The following ADORA2B variants were observed in gnomAD, a reference collection of about 807,000 sequenced individuals.
ADORA2B encodes the protein adenosine A2b receptor, also known as adenosine receptor A2b.
A neutral mutation model predicts 20.8 loss-of-function variants in ADORA2B; 18 were observed. The observed-to-expected ratio is 0.87, with a 90% CI of 0.60 to 1.29. The LOEUF is 1.29. Among genes scored for constraint, ADORA2B ranks in the 50% most tolerant of loss-of-function variants. ADORA2B has a pLI of 0.00. For synonymous variants in ADORA2B, 179 were observed against 178.3 expected (o/e 1.00, Z -0.03); for missense variants, 441 against 422.7 (o/e 1.04, Z -0.38).
At chr17:15,916,319 CCT>C in the ADORA2B span, among the ~76,000 whole-genome samples, 1 of 152,272 alleles carries the variant, frequency 6.6e-6, no homozygotes, top group African/African-American at 2.4e-5. Flanking sequence ...TGAGCCAGCC[CCT>C]GAGTTGAAGT....
chr17:15,955,182 C>T (rs996783173), intron 1 of ADORA2B, among the ~76,000 whole-genome samples: 2 of 151,972 alleles, frequency 1.3e-5, no homozygotes, highest in East Asian at 1.9e-4. Flanking sequence ...ATTGAAAATA[C>T]AGTATTTGCG....
chr17:15,948,168 G>A (rs1248798351), intron 1 of ADORA2B, among the ~76,000 whole-genome samples: 1 of 146,476 alleles, frequency 6.8e-6, no homozygotes, highest in Non-Finnish European at 1.5e-5. Context: ...AGGGCTCCAA[G>A]TGTGAGGCCT....
At chr17:15,973,315 T>C (rs1291741048) in intron 1 of ADORA2B, among the ~76,000 whole-genome samples, 4 of 152,182 alleles carry the variant, frequency 2.6e-5, no homozygotes, top group Admixed American at 2.6e-4. Context: ...TCTTTCTTAC[T>C]CTGCTTTTTC....
the ADORA2B span, among the ~76,000 whole-genome samples, chr17:15,892,141 G>A: frequency 2.7e-5 from 4 of 150,304 alleles, no homozygotes; most frequent in African/African-American, 4.9e-5. Flanking sequence ...TATTACAGGC[G>A]TGAGCCACTG....
At chr17:15,862,170 C>T in the ADORA2B span, among the ~76,000 whole-genome samples, 1 of 151,412 alleles carries the variant, frequency 6.6e-6, no homozygotes, top group Non-Finnish European at 1.5e-5. Flanking sequence ...ATTGACAGCT[C>T]CCTTCTCCCT....
chr17:15,865,034 T>TCC, the ADORA2B span, among the ~76,000 whole-genome samples: 3 of 151,690 alleles, frequency 2.0e-5, no homozygotes, highest in South Asian at 6.2e-4. Context: ...TTTGCCTAAT[T>TCC]CATATAAAGG....
chr17:15,888,720 A>G, the ADORA2B span, among the ~76,000 whole-genome samples: 3 of 114,578 alleles, frequency 2.6e-5, 1 homozygote, highest in African/African-American at 1.2e-4. Flanking sequence ...GCGTTCCCTC[A>G]CAATCTGTTT....
intron 1 of ADORA2B, among the ~76,000 whole-genome samples, chr17:15,969,002 G>T (rs1970153695): frequency 6.6e-6 from 1 of 152,156 alleles, no homozygotes; most frequent in Admixed American, 6.6e-5. Flanking sequence ...CAGTTCTCAA[G>T]GAGATGCTGG....
the ADORA2B span, among the ~76,000 whole-genome samples, chr17:15,881,745 G>A: frequency 1.3e-5 from 2 of 152,312 alleles, no homozygotes; most frequent in African/African-American, 2.4e-5. Context: ...GTGTTGGGGC[G>A]TGTGTCAGCC....
At chr17:15,878,295 C>T in the ADORA2B span, among the ~76,000 whole-genome samples, 1 of 151,944 alleles carries the variant, frequency 6.6e-6, no homozygotes, top group African/African-American at 2.4e-5. Context: ...TCTTGAACTA[C>T]CTGATAGTCC....
At chr17:15,957,896 T>C (rs1969988148) in intron 1 of ADORA2B, among the ~76,000 whole-genome samples, 2 of 152,198 alleles carry the variant, frequency 1.3e-5, no homozygotes. Context: ...TGATTTCCAC[T>C]GCTGATTTTA....
At position 15,975,424 on chromosome 17, in the gene ADORA2B, A is replaced by G; in HGVS notation, c.*82A>G. Reference sequence around the variant, plus strand: ...ACGGCTGGTTTTCATTGTGAAAGATAGCTACACCTCACAAGGAAATGGACT... The same window carrying G: ...ACGGCTGGTTTTCATTGTGAAAGATGGCTACACCTCACAAGGAAATGGACT... On this transcript the variant is annotated 3_prime_UTR_variant, in exon 2 of 2. Transcript: ENST00000304222. 1.4e-6 allele frequency: 2 copies of G among 1,423,230 alleles called. No individual in the cohort carries two copies. Among genetic ancestry groups the G allele is most frequent in the Non-Finnish European group, 1.9e-6 (2 of 1,047,696 alleles). The allele number at this position is 1,423,230 out of a possible 1,614,324, so 88.2% of individuals were successfully genotyped here. A position where few individuals can be genotyped will look rare whatever the true frequency, so the allele number is the denominator to read the frequency against.
intron 1 of ADORA2B, among the ~76,000 whole-genome samples, chr17:15,973,004 A>G (rs1970207001): frequency 6.6e-6 from 1 of 152,226 alleles, no homozygotes; most frequent in African/African-American, 2.4e-5. Context: ...AATGGCTTGA[A>G]GATGACCAAA....
chr17:15,875,712 A>G, the ADORA2B span, among the ~76,000 whole-genome samples: 1 of 152,148 alleles, frequency 6.6e-6, no homozygotes, highest in Non-Finnish European at 1.5e-5. Context: ...CCTCCCAAGT[A>G]GCTGGGATTA....
chr17:15,879,472 G>A, the ADORA2B span, among the ~76,000 whole-genome samples: 5 of 148,526 alleles, frequency 3.4e-5, no homozygotes, highest in Admixed American at 6.6e-5. Flanking sequence ...AAAAAAAAAA[G>A]TAATATTTAT....
the ADORA2B span, among the ~76,000 whole-genome samples, chr17:15,917,780 C>T: frequency 6.6e-6 from 1 of 152,232 alleles, no homozygotes; most frequent in East Asian, 1.9e-4. Context: ...CCGCTCCGGG[C>T]CTGGCGCGGG....
chr17:15,898,116 C>T, the ADORA2B span, among the ~76,000 whole-genome samples: 1 of 152,100 alleles, frequency 6.6e-6, no homozygotes, highest in Non-Finnish European at 1.5e-5. Flanking sequence ...AGGAAACTTA[C>T]ACATCTGACC....
At chr17:15,952,029 C>T (rs569581393) in intron 1 of ADORA2B, among the ~76,000 whole-genome samples, 50 of 152,344 alleles carry the variant, frequency 3.3e-4, no homozygotes, top group African/African-American at 1.0e-3. Flanking sequence ...TGGCCTCATG[C>T]TGTGGACATT....
chr17:15,975,459 G>C lies in ADORA2B; in HGVS notation c.*117G>C. 9.2e-7 allele frequency: 1 copy of C among 1,085,898 alleles called. No homozygotes were observed. Among genetic ancestry groups the C allele is most frequent in the Non-Finnish European group, 1.3e-6 (1 of 759,518 alleles). 67.3% of individuals were successfully genotyped at this position (1,085,898 alleles called of 1,614,324 possible). On this transcript the variant is annotated 3_prime_UTR_variant, in exon 2 of 2. Transcript: ENST00000304222. ...CACAAGGAAATGGACTGCCTCTCTTGAGCACTTCCCTGGAGCTACCACGTA... is the reference window on the plus strand; with the variant it reads ...CACAAGGAAATGGACTGCCTCTCTTCAGCACTTCCCTGGAGCTACCACGTA...
Sources: allele counts gnomAD v4.1 joint callset (sites outside exome capture counted in the v4.1 genomes callset), GRCh38; gene constraint gnomAD v4.1.1; transcripts MANE v1.5; gene names NCBI Gene and HGNC (gene_info 2026-07-23, HGNC 2026-07-21).